CIITA: variants seen among roughly 807,000 people sequenced by gnomAD.
CIITA encodes class II major histocompatibility complex transactivator.
A neutral mutation model predicts 115.1 loss-of-function variants in CIITA; 72 were observed. The observed-to-expected ratio is 0.63, with a 90% CI of 0.52 to 0.76. The LOEUF (loss-of-function observed/expected upper bound fraction) is 0.76. Among genes scored for constraint, CIITA ranks in the 30% least tolerant of loss-of-function variants. The probability of loss-of-function intolerance (pLI) is 0.00; values close to 1 mark genes in which losing one functional copy is unlikely to be tolerated. For synonymous variants in CIITA, 763 were observed against 635.6 expected, an observed-to-expected ratio of 1.20 and a Z score of -3.02; for missense variants, 1,617 against 1,463.8, an observed-to-expected ratio of 1.10 and a Z score of -1.71.
intron 1 of CIITA, among the ~76,000 whole-genome samples, chr16:10,891,278 G>T (rs1261996784): frequency 1.3e-5 from 2 of 151,450 alleles, no homozygotes; most frequent in Non-Finnish European, 2.9e-5. Context: ...TTGGCAGGGG[G>T]AGTGGGGGAG....
chr16:10,920,962 G>A lies in CIITA; in HGVS notation c.3150-1205G>A, dbSNP rs961064000. On this transcript the variant is annotated intron_variant, in intron 16 of 19. Coordinates refer to ENST00000324288, the MANE Select transcript of CIITA (RefSeq NM_000246.4). This position sits in a 1 kb window ranked among gnomAD's most constrained non-coding sequence, Gnocchi z 4.5. ...TCAGTTCACTGCAACTCCGCCTCCC[G>A]AGTTCAAGCAATTCTCCTGCCTCAG... 5.3e-5 allele frequency among the ~76,000 whole-genome samples: 8 copies of A among 152,158 alleles called. No individual in the cohort carries two copies. The highest frequency in any genetic ancestry group is 2.6e-4 in the Admixed American group (4 of 15,278).
intron 12 of CIITA, among the ~76,000 whole-genome samples, chr16:10,909,411 G>T (rs1213144791): frequency 6.6e-6 from 1 of 152,234 alleles, no homozygotes; most frequent in Non-Finnish European, 1.5e-5. Flanking sequence ...GCCATCATGT[G>T]CCCAAGTCTT....
At chr16:10,875,105 G>A (rs1265619564), upstream of CIITA, among the ~76,000 whole-genome samples, 2 of 151,756 alleles carry the variant, frequency 1.3e-5, no homozygotes, top group African/African-American at 4.8e-5. Context: ...AGTAGCACAC[G>A]CACCATCACG....
chr16:10,889,206 G>A (rs994494966), intron 1 of CIITA, among the ~76,000 whole-genome samples: 5 of 152,098 alleles, frequency 3.3e-5, no homozygotes, highest in African/African-American at 1.2e-4. Flanking sequence ...CCTCCATCCC[G>A]CTCTGGCAAT....
rs57783995 is a variant in CIITA at position 10,921,551 on chromosome 16, C to A, written c.3150-616C>A. 4.4e-4 allele frequency among the ~76,000 whole-genome samples: 67 copies of A among 152,266 alleles called. 1 individual carries two copies. Among genetic ancestry groups the A allele is most frequent in the African/African-American group, 1.4e-3 (59 of 41,540 alleles). Reference sequence around the variant, plus strand: ...CAGCATTGATTCATTTACTCCTCCCCACAATGACTCTATCATGCCCATTTT... The same window carrying A: ...CAGCATTGATTCATTTACTCCTCCCAACAATGACTCTATCATGCCCATTTT... On this transcript the variant is annotated intron_variant, in intron 16 of 19. Coordinates refer to ENST00000324288, the MANE Select transcript of CIITA (RefSeq NM_000246.4).
Position 10,915,628 on chromosome 16 carries a change from T to C in CIITA, c.2947T>C (p.Phe983Leu). ...FPKLVRILTA[F>L]SSLQHLDLDA... ...CAAACTGGTGCGGATCCTCACGGCC[T>C]TTTCCTCCCTGCAGCATCTGGAGTG... is the stretch of plus-strand genomic sequence containing the variant. Residue 983 changes from phenylalanine (F) to leucine (L), a missense_variant, in exon 14 of 20, where the codon TTT becomes CTT. Physicochemically the swap from Phe to Leu is conservative, Grantham distance 22. Transcript: ENST00000324288. 6.2e-7 allele frequency: 1 copy of C among 1,613,648 alleles called. No individual in the cohort carries two copies. The highest frequency in any genetic ancestry group is 8.5e-7 in the Non-Finnish European group (1 of 1,179,692).
chr16:10,878,442 G>T (rs2143502121), intron 1 of CIITA, among the ~76,000 whole-genome samples: 1 of 152,338 alleles, frequency 6.6e-6, no homozygotes, highest in African/African-American at 2.4e-5. Flanking sequence ...AAAAGGACCG[G>T]CAGGGCTCTT....
chr16:10,902,917 C>A (rs918627823), intron 8 of CIITA, 116 bp downstream of exon 8: 6 of 1,236,910 alleles, frequency 4.9e-6, no homozygotes, highest in Non-Finnish European at 7.0e-6. Context: ...TTCTCATGAT[C>A]CTCCCTCCCC....
rs1304965700 is a variant in CIITA, at chr16:10,903,792, A to C, written c.834A>C (p.Pro278=). Residue 278 remains proline, a synonymous_variant, in exon 9 of 20, where the codon CCA becomes CCC. Transcript: ENST00000324288. ...PPSGFTVHGL[P]TSPDRPGSTS... is the part of the protein sequence containing the mutation. ...GTGGATTCACTGTCCACGGCCTCCC[A>C]ACATCTCCAGACCGGCCAGGCTCCA... The C allele has an allele frequency of 6.2e-7, 1 of 1,614,078 alleles. No individual in the cohort carries two copies. The highest frequency in any genetic ancestry group is 2.2e-5 in the East Asian group (1 of 44,884).
intron 1 of CIITA, among the ~76,000 whole-genome samples, chr16:10,886,057 CTTTTTTT>C (rs71133402): frequency 7.6e-6 from 1 of 132,182 alleles, no homozygotes; most frequent in Non-Finnish European, 1.6e-5. Flanking sequence ...CATGTTTTGC[CTTTTTTT>C]TTTTTTTTTA....
chr16:10,866,505 G>A (rs780232072), intron 1 of CIITA: 1 of 558,210 alleles, frequency 1.8e-6, no homozygotes, highest in Admixed American at 1.9e-5. Context: ...TGGCCCTCCT[G>A]GGGTGGGCCC....
chr16:10,901,867 G>T lies in CIITA; in HGVS notation c.482-171G>T, dbSNP rs1207526105. 1.0e-6 allele frequency: 1 copy of T among 955,970 alleles called. No homozygotes were observed. The highest frequency in any genetic ancestry group is 1.6e-5 in the African/African-American group (1 of 62,282). The allele number at this position is 955,970 out of a possible 1,614,324, so 59.2% of individuals were successfully genotyped here. On this transcript the variant is annotated intron_variant, in intron 6 of 19. Transcript: ENST00000324288. The surrounding 1 kb of genome is among the most constrained non-coding windows in gnomAD (Gnocchi z 6.8). Reference sequence around the variant, plus strand: ...GAGCCAAGTCACAAGGAGAGGACTGGGGGACTGCCTGGCACAGAGCAGTTG... The same window carrying T: ...GAGCCAAGTCACAAGGAGAGGACTGTGGGACTGCCTGGCACAGAGCAGTTG...
chr16:10,906,740 T>C lies in CIITA; in HGVS notation c.1248T>C (p.Ile416=). ...EHRRPRETRV[I]AVLGKAGQGK... is the part of the protein sequence containing the mutation. Reference sequence around the variant, plus strand: ...GGCGGCCGCGTGAGACACGAGTGATTGCTGTGCTGGGCAAAGCTGGTCAGG... The same window carrying C: ...GGCGGCCGCGTGAGACACGAGTGATCGCTGTGCTGGGCAAAGCTGGTCAGG... The change falls in exon 11 of 20, where the codon ATT becomes ATC. Residue 416 remains isoleucine, a synonymous_variant. Transcript: ENST00000324288. 1 of 1,610,906 alleles carries C rather than the reference T, an allele frequency of 6.2e-7. No individual in the cohort carries two copies. Among genetic ancestry groups the C allele is most frequent in the Non-Finnish European group, 8.5e-7 (1 of 1,179,742 alleles).
chr16:10,866,440 G>A (rs1377387893), intron 1 of CIITA: 1 of 566,898 alleles, frequency 1.8e-6, no homozygotes, highest in Non-Finnish European at 3.5e-6. Flanking sequence ...GCCTGATAGT[G>A]AGGCTCTGGC....
chr16:10,904,377 A>G (rs2038993625), intron 9 of CIITA, among the ~76,000 whole-genome samples: 1 of 152,076 alleles, frequency 6.6e-6, no homozygotes, highest in African/African-American at 2.4e-5. Flanking sequence ...GTGCACCGTC[A>G]CACCCAGCCA....
At chr16:10,896,555 A>C (rs1465715302) in intron 3 of CIITA, among the ~76,000 whole-genome samples, 1 of 152,192 alleles carries the variant, frequency 6.6e-6, no homozygotes, top group Non-Finnish European at 1.5e-5. Context: ...ATCTCTTCTC[A>C]CCAGCATCAC....
At chr16:10,902,393 G>T (rs572755538) in intron 7 of CIITA, among the ~76,000 whole-genome samples, 12 of 152,280 alleles carry the variant, frequency 7.9e-5, no homozygotes, top group African/African-American at 2.6e-4. Flanking sequence ...AAACACATCC[G>T]TGCGAGCATC....
Position 10,927,682 on chromosome 16 carries a change from C to T in CIITA, c.*3827C>T, listed in dbSNP as rs982711684. On this transcript the variant is annotated 3_prime_UTR_variant, in exon 20 of 20. Coordinates refer to ENST00000324288, the MANE Select transcript of CIITA (RefSeq NM_000246.4). The stretch of plus-strand genomic sequence containing the variant: ...CAAACTGGGAGTCCTGGTGTGGAGC[C>T]TTTTAACCCAGAGGGGCATCTTTTC... 7.2e-5 allele frequency: 11 copies of T among 152,126 alleles called. No homozygotes were observed. The highest frequency in any genetic ancestry group is 2.7e-4 in the African/African-American group (11 of 41,410). 9.4% of individuals were successfully genotyped at this position (152,126 alleles called of 1,614,324 possible).
chr16:10,904,002 A>G (rs1020573491), intron 9 of CIITA, 107 bp downstream of exon 9: 6 of 1,483,760 alleles, frequency 4.0e-6, no homozygotes, highest in African/African-American at 1.4e-5. Context: ...TAGGGACAAC[A>G]GGTCATGTTT....
Sources: gnomAD v4.1 joint callset for allele counts (sites outside exome capture counted in the v4.1 genomes callset) on GRCh38, gnomAD v4.1.1 for gene constraint, Gnocchi (gnomAD v3.1) non-coding constraint, MANE v1.5 for transcripts, NCBI Gene and HGNC (gene_info 2026-07-23, HGNC 2026-07-21) for gene names.